The following FAM149A variants were observed in gnomAD, a reference collection of about 807,000 sequenced individuals.
FAM149A encodes protein FAM149A.
A neutral mutation model predicts 78.2 loss-of-function variants in FAM149A; 71 were observed. That is an observed-to-expected ratio of 0.91 (90% CI 0.75 to 1.11). FAM149A has a LOEUF of 1.11. Ranked by LOEUF, FAM149A falls within the 50% of genes least tolerant of loss-of-function variation. The pLI is 0.00. For missense variants in FAM149A, 1,036 were observed against 971.0 expected (o/e 1.07, Z -0.89); for synonymous variants, 446 against 410.5 (o/e 1.09, Z -1.04).
chr4:186,165,663 G>C (rs1303068515), intron 11 of FAM149A, among the ~76,000 whole-genome samples, 199 bp downstream of exon 11: 2 of 152,178 alleles, frequency 1.3e-5, no homozygotes, highest in South Asian at 2.1e-4. Context: ...TTAATTCACC[G>C]TTTTGTGAAA....
At position 186,174,603 on chromosome 4, in the gene FAM149A, T is replaced by A. The variant is rs930560848; in HGVS notation, c.*2616T>A. 5.4e-5 allele frequency among the ~76,000 whole-genome samples: 6 copies of A among 110,968 alleles called. 2 individuals are homozygous for A. The highest frequency in any genetic ancestry group is 1.4e-4 in the Non-Finnish European group (6 of 44,230). The allele number at this position is 110,968 out of a possible 152,430, so 72.8% of individuals were successfully genotyped here. A position where few individuals can be genotyped will look rare whatever the true frequency, so the allele number is the denominator to read the frequency against. On this transcript the variant is annotated 3_prime_UTR_variant, in exon 14 of 14. Transcript: ENST00000389354. ...GAATCTATTATTTATATATATATAT[T>A]GGTAAAAGACAAAATATTTTTTAAA...
At chr4:186,168,593 T>A (rs113512886) in intron 13 of FAM149A, among the ~76,000 whole-genome samples, 5,699 of 152,236 alleles carry the variant, frequency 0.037, 390 homozygotes, top group African/African-American at 0.13. Flanking sequence ...TGACCTCAGG[T>A]AATCCACCCA....
intron 8 of FAM149A, among the ~76,000 whole-genome samples, chr4:186,160,374 TACAC>T (rs922176640): frequency 1.2e-4 from 12 of 103,572 alleles, no homozygotes; most frequent in African/African-American, 3.9e-4. Context: ...ACATACCACA[TACAC>T]ACACACCACT....
chr4:186,159,175 T>C (rs1734311570), intron 8 of FAM149A, among the ~76,000 whole-genome samples: 1 of 151,864 alleles, frequency 6.6e-6, no homozygotes, highest in Non-Finnish European at 1.5e-5. Flanking sequence ...TTTGAGGAGA[T>C]ACAGAGGTGA....
chr4:186,118,080 A>G (rs2099314471), intron 1 of FAM149A: 1 of 985,452 alleles, frequency 1.0e-6, no homozygotes, highest in Non-Finnish European at 1.2e-6. Flanking sequence ...GGGGCTGGAC[A>G]TTCATGGTGG....
intron 1 of FAM149A, among the ~76,000 whole-genome samples, chr4:186,124,787 G>C (rs1426392280): frequency 2.0e-5 from 3 of 152,096 alleles, no homozygotes; most frequent in Non-Finnish European, 2.9e-5. Flanking sequence ...CCAGTAATGG[G>C]ATGGCTGGGT....
chr4:186,169,808 A>G, intron 13 of FAM149A: 1 of 985,476 alleles, frequency 1.0e-6, no homozygotes, highest in Non-Finnish European at 1.2e-6. Flanking sequence ...TGTAGGACCC[A>G]GGGAACGGTC....
chr4:186,155,892 ATGTT>A (rs1734001201), intron 6 of FAM149A, 104 bp from the exon 7 acceptor site: 7 of 753,362 alleles, frequency 9.3e-6, no homozygotes, highest in African/African-American at 1.8e-5. Flanking sequence ...TTAACAAAGA[ATGTT>A]TATTAATATA....
intron 1 of FAM149A, 93 bp from the exon 2 acceptor site, chr4:186,149,080 C>A: frequency 9.4e-7 from 1 of 1,059,206 alleles, no homozygotes; most frequent in Non-Finnish European, 1.2e-6. Context: ...ACGAGAGGAG[C>A]AACTTTGTAT....
chr4:186,120,664 C>T lies in FAM149A; in HGVS notation c.566+15022C>T, dbSNP rs375720063. Among the ~76,000 whole-genome samples the T allele has an allele frequency of 6.0e-5, 9 of 149,888 alleles. No individual in the cohort carries two copies. The East Asian group carries it at 1.8e-3, about 31-fold the overall frequency. ...CAAAAATTAGCCAGGCATGGTGGTG[C>T]GTGCCTGTAGTCCCAGCTACTCAGG... On this transcript the variant is annotated intron_variant, in intron 1 of 13. Transcript: ENST00000389354.
At chr4:186,140,354 G>C (rs1175895940) in intron 1 of FAM149A, among the ~76,000 whole-genome samples, 1 of 151,510 alleles carries the variant, frequency 6.6e-6, no homozygotes, top group Non-Finnish European at 1.5e-5. Flanking sequence ...CTGGAGTACT[G>C]CAGCCTCCAT....
Position 186,149,710 on chromosome 4 carries a change from T to A in FAM149A, c.789+6T>A. 7.9e-7 allele frequency: 1 copy of A among 1,266,072 alleles called. No individual in the cohort carries two copies. The highest frequency in any genetic ancestry group is 1.0e-6 in the Non-Finnish European group (1 of 980,802). 78.4% of individuals were successfully genotyped at this position (1,266,072 alleles called of 1,614,324 possible). Reference sequence around the variant, plus strand: ...TTTATTCCTGGAGAGATGACGTATGTCTCAGAATATTTTGGATAATCTTGT... The same window carrying A: ...TTTATTCCTGGAGAGATGACGTATGACTCAGAATATTTTGGATAATCTTGT... On this transcript the variant is annotated splice_donor_region_variant and intron_variant, in intron 3 of 13. Coordinates refer to ENST00000389354, the MANE Select transcript of FAM149A (RefSeq NM_001367768.3).
Position 186,167,080 on chromosome 4 carries a change from C to A in FAM149A, c.2123C>A (p.Thr708Lys). ...CTGGAACGGTTGTCAAGGCCCAGCACAACCCACACGTTCCGGGTGGGTTCT... is the reference window on the plus strand; with the variant it reads ...CTGGAACGGTTGTCAAGGCCCAGCAAAACCCACACGTTCCGGGTGGGTTCT... The change falls in exon 12 of 14, where the codon ACA becomes AAA. Residue 708 changes from threonine to lysine, a missense_variant. Thr to Lys is a moderately conservative substitution (Grantham distance 78). Around this residue, in one of 3 missense-constraint regions of FAM149A, gnomAD observed 716 missense variants for 711.8 expected, o/e 1.01. Transcript: ENST00000389354. The A allele has an allele frequency of 6.2e-7, 1 of 1,614,080 alleles. No individual in the cohort carries two copies. The highest frequency in any genetic ancestry group is 8.5e-7 in the Non-Finnish European group (1 of 1,179,936).
intron 1 of FAM149A, among the ~76,000 whole-genome samples, chr4:186,120,500 T>A (rs2099315511): frequency 1.3e-5 from 2 of 151,970 alleles, no homozygotes; most frequent in Admixed American, 6.6e-5. Context: ...AATTTAAAAA[T>A]CACGTTAGTA....
chr4:186,166,649 TAAAAA>T (rs76402174), intron 11 of FAM149A, among the ~76,000 whole-genome samples: 8 of 105,038 alleles, frequency 7.6e-5, no homozygotes, highest in African/African-American at 2.4e-4. Flanking sequence ...AGACTCTGTT[TAAAAA>T]AAAAAAAAAA....
At chr4:186,137,395 T>C (rs2099323891) in intron 1 of FAM149A, among the ~76,000 whole-genome samples, 1 of 152,172 alleles carries the variant, frequency 6.6e-6, no homozygotes, top group Non-Finnish European at 1.5e-5. Context: ...CTGTCCCTCA[T>C]GCACATTCAT....
In FAM149A at chr4:186,113,741, G is replaced by T. The variant is rs963482227; in HGVS notation, c.566+8099G>T. Among the ~76,000 whole-genome samples the T allele has an allele frequency of 8.0e-3, 1,215 of 151,290 alleles. 18 individuals carry two copies. Among genetic ancestry groups the T allele is most frequent in the African/African-American group, 0.028 (1,161 of 41,140 alleles). On this transcript the variant is annotated intron_variant, in intron 1 of 13. Coordinates refer to ENST00000389354, the MANE Select transcript of FAM149A (RefSeq NM_001367768.3). ...CTTAATCCTGAGTTCTAGTTTGATT[G>T]CACTGTGATCTGAGAGATAGTTTGT...
At chr4:186,150,395 T>TTCTCTCTCTCTCTC (rs1228516202) in intron 3 of FAM149A, among the ~76,000 whole-genome samples, 2 of 125,442 alleles carry the variant, frequency 1.6e-5, no homozygotes, top group Admixed American at 8.7e-5. Context: ...CTTGCTTGCT[T>TTCTCTCTCTCTCTC]TCTCTCTCTC....
At chr4:186,140,425 A>G (rs913882272) in intron 1 of FAM149A, among the ~76,000 whole-genome samples, 3 of 146,376 alleles carry the variant, frequency 2.0e-5, no homozygotes, top group African/African-American at 7.6e-5. Context: ...CTACAGATCC[A>G]TGTGAACACA....
Sources: gnomAD v4.1 joint callset for allele counts (sites outside exome capture counted in the v4.1 genomes callset) on GRCh38, gnomAD v4.1.1 for gene constraint, gnomAD v4.1.1 regional missense constraint, MANE v1.5 for transcripts, NCBI Gene and HGNC (gene_info 2026-07-23, HGNC 2026-07-21) for gene names.